Variants in NME5 observed in about 807,000 individuals in gnomAD.
The protein encoded by NME5 is nucleoside diphosphate kinase 5.
A neutral mutation model predicts 21.6 loss-of-function variants in NME5; 18 were observed. The observed-to-expected ratio is 0.83, with a 90% CI of 0.58 to 1.24. NME5 has a LOEUF of 1.24. NME5 is among the 50% of genes most tolerant of loss of function. The pLI, the probability that NME5 is intolerant of heterozygous loss-of-function variation, is 0.00. For missense variants in NME5, 223 were observed against 255.4 expected, an observed-to-expected ratio of 0.87 and a Z score of 0.86; for synonymous variants, 70 against 80.6, an observed-to-expected ratio of 0.87 and a Z score of 0.71.
intron 4 of NME5, 102 bp downstream of exon 4, chr5:138,128,376 GA>G (rs1038422229): frequency 8.5e-5 from 76 of 890,888 alleles, no homozygotes; most frequent in African/African-American, 2.2e-4. Context: ...AAATATACTG[GA>G]AAAAAAATTA....
At chr5:138,126,532 AAAAAG>A (rs1751431718) in intron 4 of NME5, among the ~76,000 whole-genome samples, 1 of 149,914 alleles carries the variant, frequency 6.7e-6, no homozygotes, top group South Asian at 2.1e-4. Context: ...AAAAAAAAAA[AAAAAG>A]AAAGAAAGCG....
chr5:138,123,075 A>G (rs1250619877), intron 4 of NME5: 2 of 152,170 alleles, frequency 1.3e-5, no homozygotes, highest in Non-Finnish European at 2.9e-5. Flanking sequence ...TCTTCTCTGT[A>G]TCGTTCCAAT....
chr5:138,118,850 C>G lies in NME5; in HGVS notation c.523G>C (p.Glu175Gln), dbSNP rs1054020459. 12 of 1,612,584 alleles carry G rather than the reference C, an allele frequency of 7.4e-6. No homozygotes were observed. In the African/African-American group the frequency reaches 1.3e-4, roughly 18 times the overall value. Residue 175 changes from glutamate to glutamine, a missense_variant, in exon 5 of 6, where the codon GAG becomes CAG. Transcript: ENST00000265191. The stretch of plus-strand genomic sequence containing the variant: ...TCTGCTGGTTTTTGCTTACAAAGCT[C>G]TGTGAGTCCTTCAAGCAGAGTTGGC... ...IMPTLLEGLT[E>Q]LCKQKPADPL...
chr5:138,124,593 T>C (rs1751357318), intron 4 of NME5, among the ~76,000 whole-genome samples: 1 of 152,110 alleles, frequency 6.6e-6, no homozygotes, highest in South Asian at 2.1e-4. Context: ...CAAATGCAGC[T>C]CACTGCGGCC....
chr5:138,138,013 G>GA (rs905380386), intron 2 of NME5, among the ~76,000 whole-genome samples: 34 of 149,208 alleles, frequency 2.3e-4, no homozygotes, highest in African/African-American at 2.7e-4. Flanking sequence ...TCAAAAAAAA[G>GA]AAAAAAAAAC....
At chr5:138,136,275 G>A (rs914715214) in intron 2 of NME5, among the ~76,000 whole-genome samples, 16 of 152,208 alleles carry the variant, frequency 1.1e-4, no homozygotes, top group African/African-American at 3.9e-4. Context: ...GGATCAAATG[G>A]TAAGTCCATC....
chr5:138,115,859 A>G, intron 5 of NME5, 95 bp from the exon 6 acceptor site: 1 of 756,388 alleles, frequency 1.3e-6, no homozygotes, highest in Non-Finnish European at 2.0e-6. Flanking sequence ...CAGTTTTCAA[A>G]ATCACTTTAA....
chr5:138,123,581 A>T (rs1270099399), intron 4 of NME5, among the ~76,000 whole-genome samples: 1 of 152,198 alleles, frequency 6.6e-6, no homozygotes. Flanking sequence ...TACATTGTGT[A>T]TATACACCAC....
At chr5:138,117,437 G>C (rs1751186696) in intron 5 of NME5, among the ~76,000 whole-genome samples, 1 of 151,986 alleles carries the variant, frequency 6.6e-6, no homozygotes, top group Non-Finnish European at 1.5e-5. Context: ...CAAAATGGAA[G>C]ACAATATTTG....
At chr5:138,137,990 G>A (rs1751744432) in intron 2 of NME5, among the ~76,000 whole-genome samples, 2 of 151,864 alleles carry the variant, frequency 1.3e-5, no homozygotes, top group African/African-American at 4.8e-5. Context: ...GGGCTACAGA[G>A]GGAGACTCTG....
chr5:138,115,706 T>C lies in NME5; in HGVS notation c.614A>G (p.His205Arg). 6.3e-7 allele frequency: 1 copy of C among 1,582,038 alleles called. No homozygotes were observed. The highest frequency in any genetic ancestry group is 8.5e-7 in the Non-Finnish European group (1 of 1,170,012). ...TTAATAAGGTTCTTCTACAATTGGATGGTGACAAAGTTTGGGTTTGTTAGG... is the reference window on the plus strand; with the variant it reads ...TTAATAAGGTTCTTCTACAATTGGACGGTGACAAAGTTTGGGTTTGTTAGG... ...NNPNKPKLCH[H>R]PIVEEPY is the part of the protein sequence containing the mutation. The change falls in exon 6 of 6, where the codon CAT becomes CGT. Residue 205 changes from histidine to arginine, a missense_variant. Coordinates refer to ENST00000265191, the MANE Select transcript of NME5 (RefSeq NM_003551.3).
chr5:138,137,484 A>C (rs1356274573), intron 2 of NME5, among the ~76,000 whole-genome samples: 1 of 151,270 alleles, frequency 6.6e-6, no homozygotes, highest in Non-Finnish European at 1.5e-5. Context: ...CGCCCAGCTA[A>C]TTTTTGTATT....
At chr5:138,136,412 T>A (rs1581388393) in intron 2 of NME5, among the ~76,000 whole-genome samples, 1 of 152,202 alleles carries the variant, frequency 6.6e-6, no homozygotes, top group Non-Finnish European at 1.5e-5. Context: ...AGATTGAGCA[T>A]CTTTTCATAT....
Position 138,115,642 on chromosome 5 carries a change from T to C in NME5, c.*39A>G. ...ACAGTAGAAGTACAGCCTTTTATAA[T>C]AAGATAGTTCATGATTTGTTCTTTC... On this transcript the variant is annotated 3_prime_UTR_variant, in exon 6 of 6. Transcript: ENST00000265191. 7.7e-7 allele frequency: 1 copy of C among 1,292,928 alleles called. No homozygotes were observed. The highest frequency in any genetic ancestry group is 1.1e-6 in the Non-Finnish European group (1 of 934,022). The allele number at this position is 1,292,928 out of a possible 1,614,324, so 80.1% of individuals were successfully genotyped here.
At chr5:138,126,160 TA>T (rs780020575) in intron 4 of NME5, among the ~76,000 whole-genome samples, 5 of 152,190 alleles carry the variant, frequency 3.3e-5, no homozygotes, top group Non-Finnish European at 7.3e-5. Flanking sequence ...ACTATATCTC[TA>T]AACTCATGCC....
chr5:138,128,414 G>T, intron 4 of NME5, 65 bp downstream of exon 4: 2 of 1,226,072 alleles, frequency 1.6e-6, no homozygotes, highest in Non-Finnish European at 2.3e-6. Flanking sequence ...AGCTATATCC[G>T]CAAAATAAAA....
chr5:138,138,969 G>C, intron 1 of NME5, 184 bp from the exon 2 acceptor site: 1 of 534,330 alleles, frequency 1.9e-6, no homozygotes, highest in Non-Finnish European at 3.2e-6. Flanking sequence ...CTCAATAATA[G>C]GATTCCTACT....
At position 138,139,422 on chromosome 5, in the gene NME5, C is replaced by T. The variant is rs1311885245; in HGVS notation, c.-57G>A. ...ACTTGTTGCTAGGAGACCTGAAGCC[C>T]CAGCGTGGGGACGGTGGCTGCAGAG... On this transcript the variant is annotated 5_prime_UTR_variant, in exon 1 of 6. Transcript: ENST00000265191. 3.0e-6 allele frequency: 3 copies of T among 985,194 alleles called. No individual in the cohort carries two copies. The East Asian group carries it at 3.4e-4, about 112-fold the overall frequency. 61.0% of individuals were successfully genotyped at this position (985,194 alleles called of 1,614,324 possible).
At position 138,138,860 on chromosome 5, in the gene NME5, G is replaced by A. The variant is rs918100714; in HGVS notation, c.-5-75C>T. 13 of 1,329,754 alleles carry A rather than the reference G, an allele frequency of 9.8e-6. No homozygotes were observed. In the African/African-American group the frequency reaches 1.8e-4, roughly 18 times the overall value. 82.4% of individuals were successfully genotyped at this position (1,329,754 alleles called of 1,614,324 possible). On this transcript the variant is annotated intron_variant, in intron 1 of 5. Transcript: ENST00000265191. ...ACATGCATTTCCCCCCACCCCCATC[G>A]CAAATTCAATGTAATTATGATTAAG...
Sources: gnomAD v4.1 joint callset for allele counts (sites outside exome capture counted in the v4.1 genomes callset) on GRCh38, gnomAD v4.1.1 for gene constraint, MANE v1.5 for transcripts, NCBI Gene and HGNC (gene_info 2026-07-23, HGNC 2026-07-21) for gene names.